Variants in STX18 observed in about 807,000 individuals in gnomAD.
The protein encoded by STX18 is syntaxin 18, also known as syntaxin-18.
Under a neutral mutation model 50.1 loss-of-function variants are expected in STX18, and 40 were observed. The ratio of observed to expected loss-of-function variants is 0.80; its 90% CI spans 0.62 to 1.04. The LOEUF (loss-of-function observed/expected upper bound fraction) is 1.04, where lower values mean the gene tolerates loss of function less well. Among genes scored for constraint, STX18 ranks in the 50% least tolerant of loss-of-function variants. The probability of loss-of-function intolerance (pLI) is 0.00; values close to 1 mark genes in which losing one functional copy is unlikely to be tolerated. For missense variants in STX18, 410 were observed against 415.8 expected (o/e 0.99, Z 0.12); for synonymous variants, 158 against 151.8 (o/e 1.04, Z -0.30).
At chr4:4,504,687 C>T (rs1037293964) in intron 1 of STX18, among the ~76,000 whole-genome samples, 1 of 152,150 alleles carries the variant, frequency 6.6e-6, no homozygotes, top group South Asian at 2.1e-4. Context: ...CTAAAGAAGG[C>T]AAGGGGGGCA....
At chr4:4,445,054 A>G (rs1726317376) in intron 5 of STX18, among the ~76,000 whole-genome samples, 1 of 152,248 alleles carries the variant, frequency 6.6e-6, no homozygotes, top group Non-Finnish European at 1.5e-5. Flanking sequence ...TTAAAAAGCA[A>G]AACTACTGTT....
In STX18 at chr4:4,420,407, C is replaced by T; in HGVS notation, c.913-278G>A. ...CTGTCCCAGGGTTAAGGGCCCCGAG[C>T]AGAGTGTGACCGCAAGCTTTGTGTT... On this transcript the variant is annotated intron_variant, in intron 10 of 10. Coordinates refer to ENST00000306200, the MANE Select transcript of STX18 (RefSeq NM_016930.4). The surrounding 1 kb of genome is among the most constrained non-coding windows in gnomAD (Gnocchi z 4.3). 1 of 455,590 alleles carries T rather than the reference C, an allele frequency of 2.2e-6. No homozygotes were observed. Among genetic ancestry groups the T allele is most frequent in the African/African-American group, 2.0e-5 (1 of 51,018 alleles). The allele number at this position is 455,590 out of a possible 1,614,324, so 28.2% of individuals were successfully genotyped here.
rs538208461 is a variant in STX18 at position 4,442,349 on chromosome 4, T to C, written c.498-3840A>G. 2.0e-5 allele frequency among the ~76,000 whole-genome samples: 3 copies of C among 148,830 alleles called. 1 individual carries two copies. The highest frequency in any genetic ancestry group is 7.4e-5 in the African/African-American group (3 of 40,658). On this transcript the variant is annotated intron_variant, in intron 5 of 10. Transcript: ENST00000306200. ...AAAAAAAAAACATGGGTGAACTGGG[T>C]GCGGTGGCTCACTCCTGTAATCCCA...
chr4:4,459,959 G>C (rs899025536), intron 2 of STX18, among the ~76,000 whole-genome samples: 8 of 152,128 alleles, frequency 5.3e-5, no homozygotes, highest in Admixed American at 5.2e-4. Context: ...TCTTTCCCCA[G>C]ATAGCTGCAT....
intron 1 of STX18, among the ~76,000 whole-genome samples, chr4:4,518,439 G>C (rs1730376757): frequency 6.6e-6 from 1 of 152,154 alleles, no homozygotes; most frequent in Admixed American, 6.5e-5. Flanking sequence ...TTCTTCGAAA[G>C]GGTGTATACA....
chr4:4,530,207 A>G (rs1021943883), intron 1 of STX18, among the ~76,000 whole-genome samples: 1 of 152,164 alleles, frequency 6.6e-6, no homozygotes, highest in African/African-American at 2.4e-5. Context: ...TGATAGAAGC[A>G]GAAAAATAAA....
intron 1 of STX18, among the ~76,000 whole-genome samples, chr4:4,490,212 G>A (rs927212969): frequency 3.3e-5 from 5 of 152,052 alleles, no homozygotes; most frequent in African/African-American, 4.8e-5. Flanking sequence ...GAAATCTTTC[G>A]AAAGCTCTAC....
chr4:4,508,711 T>TA (rs1729855017), intron 1 of STX18, among the ~76,000 whole-genome samples: 1 of 152,168 alleles, frequency 6.6e-6, no homozygotes, highest in African/African-American at 2.4e-5. Flanking sequence ...TCCCTCTCCC[T>TA]AGTCCCCACT....
chr4:4,535,527 G>A (rs1731290426), intron 1 of STX18, among the ~76,000 whole-genome samples: 1 of 152,132 alleles, frequency 6.6e-6, no homozygotes, highest in African/African-American at 2.4e-5. Flanking sequence ...GGGCCCTCTG[G>A]TTGGTTCCTA....
At chr4:4,472,556 G>A (rs1727975699) in intron 1 of STX18, among the ~76,000 whole-genome samples, 1 of 152,202 alleles carries the variant, frequency 6.6e-6, no homozygotes, top group Non-Finnish European at 1.5e-5. Context: ...TTCCATGGAA[G>A]TTTTTCTGTC....
At chr4:4,511,826 AGAG>A (rs1414855838) in intron 1 of STX18, among the ~76,000 whole-genome samples, 1 of 151,572 alleles carries the variant, frequency 6.6e-6, no homozygotes, top group African/African-American at 2.4e-5. Context: ...AAACAGAAGG[AGAG>A]GAGATTTGAA....
chr4:4,428,598 T>C (rs754213339), intron 7 of STX18, among the ~76,000 whole-genome samples: 11 of 152,162 alleles, frequency 7.2e-5, no homozygotes, highest in South Asian at 4.1e-4. Context: ...AGCGGTCAGA[T>C]GCTGTGGGAC....
At chr4:4,514,863 A>G (rs1456212964) in intron 1 of STX18, among the ~76,000 whole-genome samples, 1 of 152,140 alleles carries the variant, frequency 6.6e-6, no homozygotes, top group Non-Finnish European at 1.5e-5. Context: ...TCAAGTTCCT[A>G]GTTAGGAAGA....
intron 2 of STX18, among the ~76,000 whole-genome samples, chr4:4,461,473 C>A (rs189970863): frequency 6.6e-6 from 1 of 152,270 alleles, no homozygotes; most frequent in East Asian, 1.9e-4. Context: ...AAAGTCTGAG[C>A]TCTACATTCT....
At position 4,515,423 on chromosome 4, in the gene STX18, T is replaced by C. The variant is rs1433364691; in HGVS notation, c.168+26374A>G. Among the ~76,000 whole-genome samples, 7 of 152,310 alleles carry C rather than the reference T, an allele frequency of 4.6e-5. No homozygotes were observed. The South Asian group carries it at 1.4e-3, about 32-fold the overall frequency. The stretch of plus-strand genomic sequence containing the variant: ...GAAAAACTTGAATAGCCAAGGTTCC[T>C]GGATAAAATTTAAATACTTTGAACT... On this transcript the variant is annotated intron_variant, in intron 1 of 10. Transcript: ENST00000306200.
intron 1 of STX18, among the ~76,000 whole-genome samples, chr4:4,510,371 A>G (rs1729940224): frequency 6.6e-6 from 1 of 152,246 alleles, no homozygotes; most frequent in African/African-American, 2.4e-5. Context: ...TCTGGGTCTT[A>G]ATCTAGGTGA....
At chr4:4,468,993 C>T (rs1349442721) in intron 2 of STX18, among the ~76,000 whole-genome samples, 1 of 152,122 alleles carries the variant, frequency 6.6e-6, no homozygotes, top group East Asian at 1.9e-4. Flanking sequence ...CATGCAAGAA[C>T]CTCAAAAACA....
intron 5 of STX18, among the ~76,000 whole-genome samples, chr4:4,454,847 G>C (rs1213673090): frequency 6.6e-6 from 1 of 152,170 alleles, no homozygotes; most frequent in Non-Finnish European, 1.5e-5. Context: ...TAAAGATATG[G>C]TGGCTTTTTG....
intron 1 of STX18, among the ~76,000 whole-genome samples, chr4:4,474,468 A>C (rs1464214055): frequency 6.6e-6 from 1 of 152,184 alleles, no homozygotes; most frequent in South Asian, 2.1e-4. Context: ...CCCCAGGCCC[A>C]TCCCCCTGTA....
Sources: allele counts gnomAD v4.1 joint callset (sites outside exome capture counted in the v4.1 genomes callset), GRCh38; gene constraint gnomAD v4.1.1; non-coding constraint Gnocchi (gnomAD v3.1); transcripts MANE v1.5; gene names NCBI Gene and HGNC (gene_info 2026-07-23, HGNC 2026-07-21).